The following AGAP1 variants were observed in gnomAD, a reference collection of about 807,000 sequenced individuals.
AGAP1 encodes ArfGAP with GTPase domain, ankyrin repeat and PH domain 1.
In AGAP1, 29 loss-of-function variants were observed where a neutral mutation model predicts 105.3. The ratio of observed to expected loss-of-function variants is 0.28; its 90% CI spans 0.21 to 0.38. AGAP1 has a LOEUF of 0.38. Ranked by LOEUF, AGAP1 falls within the 10% of genes least tolerant of loss-of-function variation. The pLI, the probability that AGAP1 is intolerant of heterozygous loss-of-function variation, is 1.00. For synonymous variants in AGAP1, 509 were observed against 485.9 expected, an observed-to-expected ratio of 1.05 and a Z score of -0.63; for missense variants, 998 against 1,165.1, an observed-to-expected ratio of 0.86 and a Z score of 2.09.
intron 13 of AGAP1, among the ~76,000 whole-genome samples, chr2:236,034,139 AATCT>A (rs2057307849): frequency 6.6e-6 from 1 of 152,158 alleles, no homozygotes; most frequent in South Asian, 2.1e-4. Context: ...ATCCTATGAG[AATCT>A]GTATGGAAAA....
intron 13 of AGAP1, among the ~76,000 whole-genome samples, chr2:236,032,585 A>G (rs1393181571): frequency 6.6e-6 from 1 of 152,176 alleles, no homozygotes; most frequent in Non-Finnish European, 1.5e-5. Context: ...ATGGGGAAGC[A>G]TTATTAGAAA....
At chr2:235,731,539 T>C (rs966305860) in intron 3 of AGAP1, among the ~76,000 whole-genome samples, 2 of 152,230 alleles carry the variant, frequency 1.3e-5, no homozygotes, top group Non-Finnish European at 2.9e-5. Flanking sequence ...CCTGTGGGAA[T>C]TGAACAGAAG....
rs1483881185 is a variant in AGAP1, at chr2:236,129,710, C to A, written c.*5588C>A. 6.6e-6 allele frequency: 1 copy of A among 152,116 alleles called. No individual in the cohort carries two copies. The highest frequency in any genetic ancestry group is 2.4e-5 in the African/African-American group (1 of 41,412). The allele number at this position is 152,116 out of a possible 1,614,324, so 9.4% of individuals were successfully genotyped here. ...AATAGACTGTTGAAATATTAATGGC[C>A]CCCCCATTTAATCAGTGTGTCTGCG... On this transcript the variant is annotated 3_prime_UTR_variant, in exon 18 of 18. Transcript: ENST00000304032. This position sits in a 1 kb window ranked among gnomAD's most constrained non-coding sequence, Gnocchi z 6.2.
intron 9 of AGAP1, among the ~76,000 whole-genome samples, chr2:235,863,060 T>C (rs912490804): frequency 1.3e-5 from 2 of 152,192 alleles, no homozygotes; most frequent in Non-Finnish European, 1.5e-5. Context: ...TCCATGAAAC[T>C]TTTTACCATT....
chr2:235,883,994 A>G lies in AGAP1; in HGVS notation c.1155+545A>G, dbSNP rs1188718194. Among the ~76,000 whole-genome samples, 1 of 152,208 alleles carries G rather than the reference A, an allele frequency of 6.6e-6. No individual in the cohort carries two copies. Among genetic ancestry groups the G allele is most frequent in the Non-Finnish European group, 1.5e-5 (1 of 68,048 alleles). On this transcript the variant is annotated intron_variant, in intron 10 of 17. Coordinates refer to ENST00000304032, the MANE Select transcript of AGAP1 (RefSeq NM_001037131.3). This position sits in a 1 kb window ranked among gnomAD's most constrained non-coding sequence, Gnocchi z 4.5. Reference sequence around the variant, plus strand: ...GTTATATCCGTGGTGTATAAGATAGATGTATAAACAAAATTAACTTTATTC... The same window carrying G: ...GTTATATCCGTGGTGTATAAGATAGGTGTATAAACAAAATTAACTTTATTC...
chr2:235,545,426 A>G (rs1574818007), intron 1 of AGAP1, among the ~76,000 whole-genome samples: 1 of 152,204 alleles, frequency 6.6e-6, no homozygotes, highest in African/African-American at 2.4e-5. Flanking sequence ...GCCCTTACTT[A>G]GAGGTTTACT....
In AGAP1 at chr2:236,061,248, G is replaced by A. The variant is rs989914885; in HGVS notation, c.2114+11967G>A. Among the ~76,000 whole-genome samples the A allele has an allele frequency of 6.6e-6, 1 of 152,164 alleles. No individual in the cohort carries two copies. The highest frequency in any genetic ancestry group is 1.5e-5 in the Non-Finnish European group (1 of 68,040). On this transcript the variant is annotated intron_variant, in intron 16 of 17. Coordinates refer to ENST00000304032, the MANE Select transcript of AGAP1 (RefSeq NM_001037131.3). The surrounding 1 kb of genome is among the most constrained non-coding windows in gnomAD (Gnocchi z 4.1). ...GACGGTCGTGGCAAGTGTTGGTGAG[G>A]AACGTGGAGACACTGGTGCAGCCAC... is the stretch of plus-strand genomic sequence containing the variant.
At chr2:235,795,871 A>G (rs1290818118) in intron 6 of AGAP1, among the ~76,000 whole-genome samples, 3 of 152,068 alleles carry the variant, frequency 2.0e-5, no homozygotes, top group Non-Finnish European at 4.4e-5. Context: ...TCATGAACTG[A>G]CTCTTCCTAG....
chr2:235,982,935 C>T lies in AGAP1; in HGVS notation c.1645+14312C>T, dbSNP rs1174991917. The stretch of plus-strand genomic sequence containing the variant: ...TCTGAGACAAGATTTGATACCCATT[C>T]ATTTATAGGCCAAATCCAGTTCTTA... On this transcript the variant is annotated intron_variant, in intron 13 of 17. Transcript: ENST00000304032. The surrounding 1 kb of genome is among the most constrained non-coding windows in gnomAD (Gnocchi z 4.9). Among the ~76,000 whole-genome samples, 1 of 152,210 alleles carries T rather than the reference C, an allele frequency of 6.6e-6. No homozygotes were observed.
In AGAP1 at chr2:235,842,431, C is replaced by T. The variant is rs1960976092; in HGVS notation, c.1050+35100C>T. On this transcript the variant is annotated intron_variant, in intron 9 of 17. Coordinates refer to ENST00000304032, the MANE Select transcript of AGAP1 (RefSeq NM_001037131.3). The surrounding 1 kb of genome is among the most constrained non-coding windows in gnomAD (Gnocchi z 5.3). ...CCCAGATAATTGAATAGGTTGTTTT[C>T]TCTGGTCACCGTTTGGCAATGGAAG... 1.3e-5 allele frequency among the ~76,000 whole-genome samples: 2 copies of T among 152,186 alleles called. No homozygotes were observed. The highest frequency in any genetic ancestry group is 6.5e-5 in the Admixed American group (1 of 15,284).
rs576720555 is a variant in AGAP1 at position 235,792,089 on chromosome 2, G to A, written c.674-5670G>A. On this transcript the variant is annotated intron_variant, in intron 6 of 17. Coordinates refer to ENST00000304032, the MANE Select transcript of AGAP1 (RefSeq NM_001037131.3). The surrounding 1 kb of genome is among the most constrained non-coding windows in gnomAD (Gnocchi z 5.3). ...AATCCCTACCTAACAGTGCTTACTCGGAATTGCTCCCCCGCCTCCCAAGTT... is the reference window on the plus strand; with the variant it reads ...AATCCCTACCTAACAGTGCTTACTCAGAATTGCTCCCCCGCCTCCCAAGTT... 1.1e-4 allele frequency among the ~76,000 whole-genome samples: 16 copies of A among 152,178 alleles called. No individual in the cohort carries two copies. The highest frequency in any genetic ancestry group is 2.4e-4 in the African/African-American group (10 of 41,522).
chr2:235,642,335 G>A lies in AGAP1; in HGVS notation c.164-66844G>A, dbSNP rs1404480097. 6.6e-6 allele frequency among the ~76,000 whole-genome samples: 1 copy of A among 152,186 alleles called. No homozygotes were observed. Among genetic ancestry groups the A allele is most frequent in the African/African-American group, 2.4e-5 (1 of 41,448 alleles). ...GGGGCCCTCTGCACTCAACCTCCTG[G>A]GACCTGGGGCTGCACCCACTGGCAT... On this transcript the variant is annotated intron_variant, in intron 1 of 17. Transcript: ENST00000304032. The surrounding 1 kb of genome is among the most constrained non-coding windows in gnomAD (Gnocchi z 4.1).
chr2:235,814,005 C>G (rs1022452607), intron 9 of AGAP1, among the ~76,000 whole-genome samples: 1 of 152,212 alleles, frequency 6.6e-6, no homozygotes, highest in African/African-American at 2.4e-5. Context: ...TGGTGGCCTG[C>G]CAGAGTCTGT....
chr2:235,726,676 G>T (rs889301820), intron 3 of AGAP1, among the ~76,000 whole-genome samples: 1 of 152,154 alleles, frequency 6.6e-6, no homozygotes, highest in African/African-American at 2.4e-5. Context: ...AGACCACTGT[G>T]CCCCTGGCCA....
chr2:236,078,156 G>T lies in AGAP1; in HGVS notation c.2114+28875G>T, dbSNP rs1006648901. Among the ~76,000 whole-genome samples, 1 of 140,612 alleles carries T rather than the reference G, an allele frequency of 7.1e-6. No homozygotes were observed. The highest frequency in any genetic ancestry group is 1.5e-5 in the Non-Finnish European group (1 of 66,218). 92.2% of individuals were successfully genotyped at this position (140,612 alleles called of 152,430 possible). On this transcript the variant is annotated intron_variant, in intron 16 of 17. Coordinates refer to ENST00000304032, the MANE Select transcript of AGAP1 (RefSeq NM_001037131.3). This position sits in a 1 kb window ranked among gnomAD's most constrained non-coding sequence, Gnocchi z 5.3. ...AGTGTGTAGGGCAGGCCAGCCGGGG[G>T]TGTGTGTGTGTGTGTGTGTATATGT...
chr2:235,629,046 A>G lies in AGAP1; in HGVS notation c.164-80133A>G, dbSNP rs1559299689. On this transcript the variant is annotated intron_variant, in intron 1 of 17. Coordinates refer to ENST00000304032, the MANE Select transcript of AGAP1 (RefSeq NM_001037131.3). Reference sequence around the variant, plus strand: ...AGGCTGGTCTCAAACTCCTGACCTCATGATCCAGCCGCCTTGGCCTCCCAA... The same window carrying G: ...AGGCTGGTCTCAAACTCCTGACCTCGTGATCCAGCCGCCTTGGCCTCCCAA... Among the ~76,000 whole-genome samples the G allele has an allele frequency of 2.0e-5, 3 of 152,178 alleles. No individual in the cohort carries two copies. The East Asian group carries it at 5.8e-4, about 30-fold the overall frequency.
intron 6 of AGAP1, among the ~76,000 whole-genome samples, chr2:235,770,219 C>T (rs1955325256): frequency 6.6e-6 from 1 of 151,454 alleles, no homozygotes; most frequent in Non-Finnish European, 1.5e-5. Context: ...GCTCCGCTCC[C>T]CGGGTTCATG....
intron 12 of AGAP1, among the ~76,000 whole-genome samples, chr2:235,949,782 C>A (rs1034271548): frequency 6.6e-6 from 1 of 152,198 alleles, no homozygotes; most frequent in African/African-American, 2.4e-5. Flanking sequence ...AGCCACGCCG[C>A]ACCCCCGAGC....
chr2:236,009,019 T>G lies in AGAP1; in HGVS notation c.1646-27542T>G, dbSNP rs2056419018. On this transcript the variant is annotated intron_variant, in intron 13 of 17. Coordinates refer to ENST00000304032, the MANE Select transcript of AGAP1 (RefSeq NM_001037131.3). This position sits in a 1 kb window ranked among gnomAD's most constrained non-coding sequence, Gnocchi z 4.2. ...CTATATATTTGCTTGGCCTCGGGTT[T>G]TGTTTAATCCCTTCAAAGGCCCTTT... Among the ~76,000 whole-genome samples, 1 of 152,208 alleles carries G rather than the reference T, an allele frequency of 6.6e-6. No individual in the cohort carries two copies. Among genetic ancestry groups the G allele is most frequent in the South Asian group, 2.1e-4 (1 of 4,828 alleles).
Sources: gnomAD v4.1 joint callset for allele counts (sites outside exome capture counted in the v4.1 genomes callset) on GRCh38, gnomAD v4.1.1 for gene constraint, Gnocchi (gnomAD v3.1) non-coding constraint, MANE v1.5 for transcripts, NCBI Gene and HGNC (gene_info 2026-07-23, HGNC 2026-07-21) for gene names.